The following CCN2 variants were observed in gnomAD, a reference collection of about 807,000 sequenced individuals.
CCN2 encodes CCN family member 2.
A neutral mutation model predicts 33.2 loss-of-function variants in CCN2; 22 were observed. The ratio of observed to expected loss-of-function variants is 0.66; its 90% CI spans 0.47 to 0.95. The LOEUF is 0.95. CCN2 is among the 40% of genes least tolerant of loss of function. CCN2 has a pLI of 0.00. For synonymous variants in CCN2, 178 were observed against 200.6 expected (o/e 0.89, Z 0.95); for missense variants, 469 against 498.8 (o/e 0.94, Z 0.57).
At position 131,949,434 on chromosome 6, in the gene CCN2, T is replaced by C; in HGVS notation, c.880A>G (p.Thr294Ala). 7 of 1,614,066 alleles carry C rather than the reference T, an allele frequency of 4.3e-6. No homozygotes were observed. Among genetic ancestry groups the C allele is most frequent in the Non-Finnish European group, 5.9e-6 (7 of 1,180,012 alleles). The change falls in exon 5 of 5, where the codon ACC (threonine) becomes GCC (alanine). Residue 294 changes from threonine to alanine, a missense_variant. Transcript: ENST00000367976. ...GGCAGGGTGGTGGTTCTGTGGGGGG[T>C]GCAGCATCGGCCGTCGGTACATACT... ...CGVCTDGRCC[T>A]PHRTTTLPVE... is the part of the protein sequence containing the mutation.
Position 131,949,931 on chromosome 6 carries a change from T to C in CCN2, c.753+18A>G. The C allele has an allele frequency of 6.2e-7, 1 of 1,611,908 alleles. No individual in the cohort carries two copies. The highest frequency in any genetic ancestry group is 8.5e-7 in the Non-Finnish European group (1 of 1,178,472). On this transcript the variant is annotated intron_variant, in intron 4 of 4. Coordinates refer to ENST00000367976, the MANE Select transcript of CCN2 (RefSeq NM_001901.4). The stretch of plus-strand genomic sequence containing the variant: ...TGTTTTTCCTGTGAAAAATAGTTAA[T>C]AGGAGCAGAACATGTACCTTAATGT...
Position 131,950,717 on chromosome 6 carries a change from G to T in CCN2, c.289+53C>A. On this transcript the variant is annotated intron_variant, in intron 2 of 4. Transcript: ENST00000367976. This position sits in a 1 kb window ranked among gnomAD's most constrained non-coding sequence, Gnocchi z 7.1. ...GGTTTCTTTTTCCAGCGGGCGGGTG[G>T]GCGTGAGGGAGGAGGCGGCCGGACA... 6.7e-7 allele frequency: 1 copy of T among 1,483,472 alleles called. No individual in the cohort carries two copies. The highest frequency in any genetic ancestry group is 1.3e-5 in the South Asian group (1 of 77,888). 91.9% of individuals were successfully genotyped at this position (1,483,472 alleles called of 1,614,324 possible).
intron 4 of CCN2, among the ~76,000 whole-genome samples, 191 bp downstream of exon 4, chr6:131,949,758 C>A (rs976419772): frequency 6.6e-6 from 1 of 152,168 alleles, no homozygotes; most frequent in Non-Finnish European, 1.5e-5. Context: ...AATTAACTAA[C>A]CCTGTGGAAG....
At position 131,949,536 on chromosome 6, in the gene CCN2, G is replaced by A. The variant is rs1207995947; in HGVS notation, c.778C>T (p.Pro260Ser). The A allele has an allele frequency of 6.3e-7, 1 of 1,587,292 alleles. No homozygotes were observed. The highest frequency in any genetic ancestry group is 8.6e-7 in the Non-Finnish European group (1 of 1,162,788). Residue 260 changes from proline to serine, a missense_variant, in exon 5 of 5, where the codon CCC becomes TCC. Transcript: ENST00000367976. ...AACTTGATAGGCTTGGAGATTTTGGGAGTACGGATGCACTTTTTGCCCTTC... is the reference window on the plus strand; with the variant it reads ...AACTTGATAGGCTTGGAGATTTTGGAAGTACGGATGCACTTTTTGCCCTTC... ...IKKGKKCIRT[P>S]KISKPIKFEL... is the part of the protein sequence containing the mutation.
chr6:131,949,757 A>T (rs1271648638), intron 4 of CCN2, among the ~76,000 whole-genome samples, 192 bp downstream of exon 4: 1 of 152,172 alleles, frequency 6.6e-6, no homozygotes, highest in African/African-American at 2.4e-5. Flanking sequence ...GAATTAACTA[A>T]CCCTGTGGAA....
Position 131,949,368 on chromosome 6 carries a change from T to G in CCN2, c.946A>C (p.Asn316His). ...KCPDGEVMKK[N>H]MMFIKTCACH... is the part of the protein sequence containing the mutation. ...GCACAGGTCTTGATGAACATCATGTTCTTCTTCATGACCTCGCCGTCAGGG... is the reference window on the plus strand; with the variant it reads ...GCACAGGTCTTGATGAACATCATGTGCTTCTTCATGACCTCGCCGTCAGGG... Residue 316 changes from asparagine (N) to histidine (H), a missense_variant, in exon 5 of 5, where the codon AAC becomes CAC. Physicochemically the swap from Asn to His is moderately conservative, Grantham distance 68. Transcript: ENST00000367976. The G allele has an allele frequency of 1.2e-6, 2 of 1,614,150 alleles. No homozygotes were observed. The highest frequency in any genetic ancestry group is 1.7e-6 in the Non-Finnish European group (2 of 1,180,012).
Position 131,951,145 on chromosome 6 carries a change from G to A in CCN2, c.28C>T (p.Arg10Cys), listed in dbSNP as rs1470016991. ...GCGAGGAGGACCACGAAGGCGACGC[G>A]GACGGGGCCCATACTGGCGGCGGTC... Reference protein sequence around the residue: MTAASMGPVRVAFVVLLALC... With the variant: MTAASMGPVCVAFVVLLALC... Residue 10 changes from arginine (R) to cysteine (C), a missense_variant, in exon 1 of 5, where the codon CGC becomes TGC. Arg to Cys is a radical substitution (Grantham distance 180). Transcript: ENST00000367976. 13 of 1,346,672 alleles carry A rather than the reference G, an allele frequency of 9.7e-6. No individual in the cohort carries two copies. The East Asian group carries it at 3.5e-4, about 36-fold the overall frequency. 83.4% of individuals were successfully genotyped at this position (1,346,672 alleles called of 1,614,324 possible). A position where few individuals can be genotyped will look rare whatever the true frequency, so the allele number is the denominator to read the frequency against.
Position 131,948,729 on chromosome 6 carries a change from C to T in CCN2, c.*535G>A. 6.2e-6 allele frequency: 1 copy of T among 161,608 alleles called. No homozygotes were observed. The highest frequency in any genetic ancestry group is 1.4e-5 in the Non-Finnish European group (1 of 72,486). 10.0% of individuals were successfully genotyped at this position (161,608 alleles called of 1,614,324 possible). On this transcript the variant is annotated 3_prime_UTR_variant, in exon 5 of 5. Coordinates refer to ENST00000367976, the MANE Select transcript of CCN2 (RefSeq NM_001901.4). Reference sequence around the variant, plus strand: ...GGCAAATTCACTTGCCACAAGCTGTCCAGTCTAATCGACAGGATTCCGATT... The same window carrying T: ...GGCAAATTCACTTGCCACAAGCTGTTCAGTCTAATCGACAGGATTCCGATT...
chr6:131,949,092 T>C lies in CCN2; in HGVS notation c.*172A>G, dbSNP rs1345761669. On this transcript the variant is annotated 3_prime_UTR_variant, in exon 5 of 5. Transcript: ENST00000367976. ...TCTTCAAACCAGTGTCTGGGGTTGA[T>C]AGACTATTTGTTTGACATGGCACAA... 4 of 634,206 alleles carry C rather than the reference T, an allele frequency of 6.3e-6. No individual in the cohort carries two copies. The highest frequency in any genetic ancestry group is 5.5e-6 in the Non-Finnish European group (2 of 363,042). 39.3% of individuals were successfully genotyped at this position (634,206 alleles called of 1,614,324 possible). A position where few individuals can be genotyped will look rare whatever the true frequency, so the allele number is the denominator to read the frequency against.
Position 131,948,186 on chromosome 6 carries a change from A to C in CCN2, c.*1078T>G, listed in dbSNP as rs527679683. 1 of 152,774 alleles carries C rather than the reference A, an allele frequency of 6.5e-6. No individual in the cohort carries two copies. The highest frequency in any genetic ancestry group is 1.9e-4 in the East Asian group (1 of 5,192). The allele number at this position is 152,774 out of a possible 1,614,324, so 9.5% of individuals were successfully genotyped here. A position where few individuals can be genotyped will look rare whatever the true frequency, so the allele number is the denominator to read the frequency against. ...TGAATAACCAAGCCCTTTATAGAAA[A>C]AATATACACTTTATTTTCAACTAGA... On this transcript the variant is annotated 3_prime_UTR_variant, in exon 5 of 5. Coordinates refer to ENST00000367976, the MANE Select transcript of CCN2 (RefSeq NM_001901.4).
At position 131,950,754 on chromosome 6, in the gene CCN2, G is replaced by A; in HGVS notation, c.289+16C>T. On this transcript the variant is annotated intron_variant, in intron 2 of 4. Transcript: ENST00000367976. The surrounding 1 kb of genome is among the most constrained non-coding windows in gnomAD (Gnocchi z 7.1). ...GAGGCGGCCGGACACCTAGCGGTGG[G>A]GGCTGCGGGTCTTACCGGTGCACAC... is the stretch of plus-strand genomic sequence containing the variant. The A allele has an allele frequency of 3.9e-6, 6 of 1,530,662 alleles. No homozygotes were observed. Among genetic ancestry groups the A allele is most frequent in the Non-Finnish European group, 4.4e-6 (5 of 1,144,010 alleles). 94.8% of individuals were successfully genotyped at this position (1,530,662 alleles called of 1,614,324 possible).
chr6:131,951,264 G>C lies in CCN2; in HGVS notation c.-92C>G, dbSNP rs111925608. 7,218 of 1,108,034 alleles carry C rather than the reference G, an allele frequency of 6.5e-3. 323 individuals are homozygous for C. The African/African-American group carries it at 0.099, about 15-fold the overall frequency. The allele number at this position is 1,108,034 out of a possible 1,614,324, so 68.6% of individuals were successfully genotyped here. ...CTGGCGGTGGTCGGAGGTGGGGACCGGGACGCGCCGGGCTGTCGTCTCGGG... is the reference window on the plus strand; with the variant it reads ...CTGGCGGTGGTCGGAGGTGGGGACCCGGACGCGCCGGGCTGTCGTCTCGGG... On this transcript the variant is annotated 5_prime_UTR_variant, in exon 1 of 5. Coordinates refer to ENST00000367976, the MANE Select transcript of CCN2 (RefSeq NM_001901.4).
chr6:131,949,584 A>G (rs1562204063), intron 4 of CCN2, 24 bp from the exon 5 acceptor site: 1 of 856,358 alleles, frequency 1.2e-6, no homozygotes, highest in East Asian at 3.9e-5. Flanking sequence ...GGGAAAAGAG[A>G]GAGGAAAAAA....
At position 131,949,397 on chromosome 6, in the gene CCN2, T is replaced by C; in HGVS notation, c.917A>G (p.Lys306Arg). ...CTTCATGACCTCGCCGTCAGGGCAC[T>C]TGAACTCCACCGGCAGGGTGGTGGT... ...HRTTTLPVEF[K>R]CPDGEVMKKN... Residue 306 changes from lysine to arginine, a missense_variant, in exon 5 of 5, where the codon AAG becomes AGG. Physicochemically the swap from Lys to Arg is conservative, Grantham distance 26. Coordinates refer to ENST00000367976, the MANE Select transcript of CCN2 (RefSeq NM_001901.4). The C allele has an allele frequency of 6.2e-7, 1 of 1,614,196 alleles. No homozygotes were observed. The highest frequency in any genetic ancestry group is 8.5e-7 in the Non-Finnish European group (1 of 1,180,026).
At position 131,950,355 on chromosome 6, in the gene CCN2, A is replaced by AT. The variant is rs1236054213; in HGVS notation, c.477dup (p.Cys160MetfsTer8). ...TCGTCACACACCCACTCCTCGCAGC[A>AT]TTTCCCGGGCAGCTTGACCCTCCTC... On this transcript the variant is annotated frameshift_variant, in exon 3 of 5. Transcript: ENST00000367976. LOFTEE classifies it high-confidence loss of function. This position sits in a 1 kb window ranked among gnomAD's most constrained non-coding sequence, Gnocchi z 7.1. The AT allele has an allele frequency of 6.2e-7, 1 of 1,614,034 alleles. No individual in the cohort carries two copies.
Position 131,949,493 on chromosome 6 carries a change from G to T in CCN2, c.821C>A (p.Thr274Asn), listed in dbSNP as rs1404121905. ...KPIKFELSGC[T>N]SMKTYRAKFC... ...TTTAGCTCGGTATGTCTTCATGCTG[G>T]TGCAGCCAGAAAGCTCAAACTTGAT... Residue 274 changes from threonine (T) to asparagine (N), a missense_variant, in exon 5 of 5, where the codon ACC becomes AAC. By Grantham distance (65) the Thr-to-Asn change is moderately conservative. Coordinates refer to ENST00000367976, the MANE Select transcript of CCN2 (RefSeq NM_001901.4). 4 of 1,614,018 alleles carry T rather than the reference G, an allele frequency of 2.5e-6. No homozygotes were observed. The highest frequency in any genetic ancestry group is 3.4e-6 in the Non-Finnish European group (4 of 1,180,040).
At position 131,949,410 on chromosome 6, in the gene CCN2, G is replaced by C. The variant is rs757019246; in HGVS notation, c.904C>G (p.Pro302Ala). ...CCTPHRTTTL[P>A]VEFKCPDGEV... ...CCGTCAGGGCACTTGAACTCCACCG[G>C]CAGGGTGGTGGTTCTGTGGGGGGTG... Residue 302 changes from proline to alanine, a missense_variant, in exon 5 of 5, where the codon CCG becomes GCG. Pro to Ala is a conservative substitution (Grantham distance 27, BLOSUM62 -1). Transcript: ENST00000367976. 25 of 1,614,184 alleles carry C rather than the reference G, an allele frequency of 1.5e-5. No individual in the cohort carries two copies. The highest frequency in any genetic ancestry group is 3.3e-4 in the Middle Eastern group (2 of 6,062).
chr6:131,949,366 G>A lies in CCN2; in HGVS notation c.948C>T (p.Asn316=). The A allele has an allele frequency of 1.2e-6, 2 of 1,614,194 alleles. No individual in the cohort carries two copies. Among genetic ancestry groups the A allele is most frequent in the Non-Finnish European group, 8.5e-7 (1 of 1,180,046 alleles). The change falls in exon 5 of 5, where the codon AAC becomes AAT. Residue 316 remains asparagine, a synonymous_variant. Coordinates refer to ENST00000367976, the MANE Select transcript of CCN2 (RefSeq NM_001901.4). ...KCPDGEVMKK[N]MMFIKTCACH... ...AGGCACAGGTCTTGATGAACATCAT[G>A]TTCTTCTTCATGACCTCGCCGTCAG...
Position 131,949,490 on chromosome 6 carries a change from C to T in CCN2, c.824G>A (p.Ser275Asn), listed in dbSNP as rs1393301194. The T allele has an allele frequency of 6.3e-7, 1 of 1,597,454 alleles. No homozygotes were observed. ...GAATTTAGCTCGGTATGTCTTCATGCTGGTGCAGCCAGAAAGCTCAAACTT... is the reference window on the plus strand; with the variant it reads ...GAATTTAGCTCGGTATGTCTTCATGTTGGTGCAGCCAGAAAGCTCAAACTT... The part of the protein sequence containing the change: ...PIKFELSGCT[S>N]MKTYRAKFCG... Residue 275 changes from serine to asparagine, a missense_variant, in exon 5 of 5, where the codon AGC (serine) becomes AAC (asparagine). Physicochemically the swap from Ser to Asn is conservative, Grantham distance 46 (BLOSUM62 1). Transcript: ENST00000367976.
Sources: allele counts gnomAD v4.1 joint callset (sites outside exome capture counted in the v4.1 genomes callset), GRCh38; gene constraint gnomAD v4.1.1; non-coding constraint Gnocchi (gnomAD v3.1); transcripts MANE v1.5; gene names NCBI Gene and HGNC (gene_info 2026-07-23, HGNC 2026-07-21).